The following NUP93 variants were observed in gnomAD, a reference collection of about 807,000 sequenced individuals.
NUP93 encodes nucleoporin 93, also known as nuclear pore complex protein Nup93.
Under a neutral mutation model 107.8 loss-of-function variants are expected in NUP93, and 55 were observed. The ratio of observed to expected loss-of-function variants is 0.51; its 90% CI spans 0.41 to 0.64. The LOEUF (loss-of-function observed/expected upper bound fraction) is 0.64, where lower values mean the gene tolerates loss of function less well. Among genes scored for constraint, NUP93 ranks in the 30% least tolerant of loss-of-function variants. The probability of loss-of-function intolerance (pLI) is 0.00; values close to 1 mark genes in which losing one functional copy is unlikely to be tolerated. For synonymous variants in NUP93, 390 were observed against 397.5 expected (o/e 0.98, Z 0.22); for missense variants, 937 against 1,044.7 (o/e 0.90, Z 1.42).
At chr16:56,795,489 A>G (rs1434001524) in intron 3 of NUP93, among the ~76,000 whole-genome samples, 1 of 151,886 alleles carries the variant, frequency 6.6e-6, no homozygotes, top group Non-Finnish European at 1.5e-5. Context: ...TCCTAGCTTT[A>G]TGTGCTCTGG....
chr16:56,794,086 GTAGGTAGATAGATAGATAGA>G (rs1346694029), intron 3 of NUP93, among the ~76,000 whole-genome samples: 8 of 135,634 alleles, frequency 5.9e-5, no homozygotes, highest in African/African-American at 1.7e-4. Context: ...AGGTAGGTAG[GTAGGTAGATAGATAGATAGA>G]TAGATAGATA....
At chr16:56,771,527 C>T (rs1962322119) in intron 3 of NUP93, among the ~76,000 whole-genome samples, 1 of 151,998 alleles carries the variant, frequency 6.6e-6, no homozygotes, top group African/African-American at 2.4e-5. Flanking sequence ...TTTGTCCCTG[C>T]CTTTCCTCTG....
At chr16:56,749,930 C>A (rs957112322) in intron 2 of NUP93, among the ~76,000 whole-genome samples, 1 of 152,228 alleles carries the variant, frequency 6.6e-6, no homozygotes, top group South Asian at 2.1e-4. Context: ...CTTCTGCTAA[C>A]TTGCCTTCCC....
Position 56,844,492 on chromosome 16 carries a change from C to G in NUP93, c.2350-7C>G, listed in dbSNP as rs748052904. ...GATTTCCTTCCCTTCCTTCCCTTCT[C>G]TCTCAGCAACTCCGAAGTCAAGCCC... On this transcript the variant is annotated splice_region_variant and splice_polypyrimidine_tract_variant and intron_variant, in intron 21 of 21. Coordinates refer to ENST00000308159, the MANE Select transcript of NUP93 (RefSeq NM_014669.5). 1 of 1,438,494 alleles carries G rather than the reference C, an allele frequency of 7.0e-7. No homozygotes were observed. The highest frequency in any genetic ancestry group is 9.2e-7 in the Non-Finnish European group (1 of 1,083,332). 89.1% of individuals were successfully genotyped at this position (1,438,494 alleles called of 1,614,324 possible).
chr16:56,773,817 G>T (rs1162545691), intron 3 of NUP93, among the ~76,000 whole-genome samples: 3 of 152,110 alleles, frequency 2.0e-5, no homozygotes, highest in African/African-American at 7.2e-5. Flanking sequence ...GACTAATACT[G>T]AATTTTCACT....
At chr16:56,779,670 C>T (rs1962477414) in intron 3 of NUP93, among the ~76,000 whole-genome samples, 1 of 152,168 alleles carries the variant, frequency 6.6e-6, no homozygotes, top group South Asian at 2.1e-4. Context: ...GCCAGCCACT[C>T]ATCTAGTTTC....
intron 2 of NUP93, among the ~76,000 whole-genome samples, chr16:56,758,092 G>A (rs1165621572): frequency 1.3e-5 from 2 of 151,940 alleles, no homozygotes; most frequent in Non-Finnish European, 1.5e-5. Context: ...AAAGTTGGGG[G>A]GAGCTTGTGC....
At chr16:56,763,482 T>TTGTG (rs531810469) in intron 3 of NUP93, among the ~76,000 whole-genome samples, 11 of 150,454 alleles carry the variant, frequency 7.3e-5, no homozygotes, top group African/African-American at 2.7e-4. Flanking sequence ...AAGGAACTGC[T>TTGTG]TGTGTGTGTG....
At chr16:56,742,576 C>G (rs545546661) in intron 1 of NUP93, among the ~76,000 whole-genome samples, 13 of 152,328 alleles carry the variant, frequency 8.5e-5, no homozygotes, top group Admixed American at 6.5e-4. Context: ...CAGAGCCTGG[C>G]CTACAAAGCC....
chr16:56,792,394 GAGAT>G (rs1188983138), intron 3 of NUP93, among the ~76,000 whole-genome samples: 4 of 152,208 alleles, frequency 2.6e-5, no homozygotes, highest in African/African-American at 9.7e-5. Context: ...GCTATGATGA[GAGAT>G]AGCATGGAGC....
intron 2 of NUP93, among the ~76,000 whole-genome samples, chr16:56,755,994 G>C (rs1295096239): frequency 1.3e-5 from 2 of 152,272 alleles, no homozygotes; most frequent in East Asian, 3.9e-4. Flanking sequence ...AGGATCTCTA[G>C]AGCCCAGGAG....
At chr16:56,821,970 AC>A (rs1197282016) in intron 7 of NUP93, among the ~76,000 whole-genome samples, 2 of 149,018 alleles carry the variant, frequency 1.3e-5, no homozygotes, top group African/African-American at 4.9e-5. Context: ...CTCGAACTTG[AC>A]TCGGTGGGGC....
intron 8 of NUP93, among the ~76,000 whole-genome samples, chr16:56,828,727 A>C (rs1963720396): frequency 6.6e-6 from 1 of 152,202 alleles, no homozygotes; most frequent in Admixed American, 6.5e-5. Context: ...AATGTATTTG[A>C]AGTCCACAGT....
At chr16:56,786,720 G>A (rs1962635766) in intron 3 of NUP93, among the ~76,000 whole-genome samples, 1 of 152,232 alleles carries the variant, frequency 6.6e-6, no homozygotes, top group African/African-American at 2.4e-5. Flanking sequence ...GATGGGCAGA[G>A]TTGTTACGTT....
intron 5 of NUP93, among the ~76,000 whole-genome samples, chr16:56,814,843 G>A (rs867380434): frequency 6.6e-6 from 1 of 152,154 alleles, no homozygotes; most frequent in Admixed American, 6.5e-5. Flanking sequence ...CTATGGCTCC[G>A]CCAAGCCCCA....
intron 2 of NUP93, among the ~76,000 whole-genome samples, chr16:56,755,722 A>G (rs190797378): frequency 7.9e-5 from 12 of 152,186 alleles, no homozygotes; most frequent in African/African-American, 2.4e-4. Flanking sequence ...TGAAAATACA[A>G]AAATTAGCTG....
intron 3 of NUP93, among the ~76,000 whole-genome samples, chr16:56,779,207 G>C (rs1962469055): frequency 6.6e-6 from 1 of 152,122 alleles, no homozygotes; most frequent in African/African-American, 2.4e-5. Flanking sequence ...TTCTATATAT[G>C]GTCACTGTAC....
Position 56,834,148 on chromosome 16 carries a change from C to G in NUP93, c.1558C>G (p.Pro520Ala). The G allele has an allele frequency of 1.2e-6, 2 of 1,614,136 alleles. No individual in the cohort carries two copies. Among genetic ancestry groups the G allele is most frequent in the African/African-American group, 1.3e-5 (1 of 75,020 alleles). The change falls in exon 14 of 22, where the codon CCT becomes GCT. Residue 520 changes from proline (P) to alanine (A), a missense_variant. Transcript: ENST00000308159. ...TGCAGTCAGCCACGAGCCTGGTGAC[C>G]CTCCTTGCTTGCGGCGGCTGAACTT... ...AQLLSHEPGD[P>A]PCLRRLNFVR...
At chr16:56,794,877 G>A (rs1408304989) in intron 3 of NUP93, among the ~76,000 whole-genome samples, 1 of 138,986 alleles carries the variant, frequency 7.2e-6, no homozygotes, top group Non-Finnish European at 1.5e-5. Context: ...GCAGTGAGCC[G>A]AGATCGTGCC....
Sources: gnomAD v4.1 joint callset for allele counts (sites outside exome capture counted in the v4.1 genomes callset) on GRCh38, gnomAD v4.1.1 for gene constraint, MANE v1.5 for transcripts, NCBI Gene and HGNC (gene_info 2026-07-23, HGNC 2026-07-21) for gene names.